The following ZNF22 variants were observed in gnomAD, a reference collection of about 807,000 sequenced individuals.
ZNF22 encodes zinc finger protein 22, also known as krox-26 protein.
Under a neutral mutation model 17.0 loss-of-function variants are expected in ZNF22, and 15 were observed. The ratio of observed to expected loss-of-function variants is 0.88; its 90% CI spans 0.59 to 1.36. The LOEUF is 1.36. Among genes scored for constraint, ZNF22 ranks in the 40% most tolerant of loss-of-function variants. ZNF22 has a pLI of 0.00. For synonymous variants in ZNF22, 84 were observed against 90.7 expected, an observed-to-expected ratio of 0.93 and a Z score of 0.42; for missense variants, 272 against 276.1, an observed-to-expected ratio of 0.98 and a Z score of 0.11.
chr10:45,001,238 TG>T (rs1386964243), intron 1 of ZNF22, among the ~76,000 whole-genome samples: 1 of 148,370 alleles, frequency 6.7e-6, no homozygotes, highest in Non-Finnish European at 1.5e-5. Context: ...AGGCTTGGAC[TG>T]GGGGCCCGGG....
intron 1 of ZNF22, among the ~76,000 whole-genome samples, chr10:45,001,340 G>A (rs1842329903): frequency 6.6e-6 from 1 of 152,294 alleles, no homozygotes; most frequent in Admixed American, 6.5e-5. Flanking sequence ...CTAGATACGT[G>A]GAACAAATGC....
chr10:45,004,996 T>G lies in ZNF22; in HGVS notation c.*953T>G, dbSNP rs545895614. On this transcript the variant is annotated 3_prime_UTR_variant, in exon 2 of 2. Coordinates refer to ENST00000298299, the MANE Select transcript of ZNF22 (RefSeq NM_006963.5). ...ATTAAAAACCTACAATTTACACACC[T>G]CCCTGCCTTCAAGACTGTGAGCTTT... 2 of 167,188 alleles carry G rather than the reference T, an allele frequency of 1.2e-5. No individual in the cohort carries two copies. The highest frequency in any genetic ancestry group is 3.9e-4 in the East Asian group (2 of 5,194). The allele number at this position is 167,188 out of a possible 1,614,324, so 10.4% of individuals were successfully genotyped here. A position where few individuals can be genotyped will look rare whatever the true frequency, so the allele number is the denominator to read the frequency against.
Position 45,003,274 on chromosome 10 carries a change from A to T in ZNF22, c.-89-6A>T, listed in dbSNP as rs1477795915. On this transcript the variant is annotated splice_region_variant and splice_polypyrimidine_tract_variant and intron_variant, in intron 1 of 1. Transcript: ENST00000298299. ...ATCTCTAAATTTTTTTTCCTTCTAC[A>T]CACAGAAAATTCTGAGCTGTACACC... is the stretch of plus-strand genomic sequence containing the variant. 4.7e-6 allele frequency: 6 copies of T among 1,271,200 alleles called. No homozygotes were observed. The African/African-American group carries it at 9.0e-5, about 19-fold the overall frequency. 78.7% of individuals were successfully genotyped at this position (1,271,200 alleles called of 1,614,324 possible).
chr10:45,001,165 CG>C (rs1410511847), intron 1 of ZNF22, among the ~76,000 whole-genome samples, 187 bp downstream of exon 1: 1 of 150,162 alleles, frequency 6.7e-6, no homozygotes, highest in East Asian at 2.0e-4. Flanking sequence ...AGGGTGGGGC[CG>C]CGGCCTGCGC....
In ZNF22 at chr10:45,003,934, A is replaced by G. The variant is rs767494073; in HGVS notation, c.566A>G (p.His189Arg). ...SSHLRQHMKV[H>R]KEEKPRKTRG... ...CATCTGAGGCAGCACATGAAGGTGC[A>G]TAAAGAAGAGAAGCCTCGTAAAACC... Residue 189 changes from histidine (H) to arginine (R), a missense_variant, in exon 2 of 2, where the codon CAT becomes CGT. His to Arg is a conservative substitution (Grantham distance 29). Transcript: ENST00000298299. The G allele has an allele frequency of 1.9e-6, 3 of 1,614,214 alleles. No individual in the cohort carries two copies. The highest frequency in any genetic ancestry group is 1.1e-5 in the South Asian group (1 of 91,090).
rs374070420 is a variant in ZNF22, at chr10:45,003,418, G to A, written c.50G>A (p.Gly17Glu). The change falls in exon 2 of 2, where the codon GGA (glycine) becomes GAA (glutamate). Residue 17 changes from glycine (G) to glutamate (E), a missense_variant. By Grantham distance (98) the Gly-to-Glu change is moderately conservative. Transcript: ENST00000298299. Reference protein sequence around the residue: ...KAGISRSSSQGKAYENKRKTG... With the variant: ...KAGISRSSSQEKAYENKRKTG... ...GGTATTTCTCGGAGCTCAAGCCAAG[G>A]AAAGGCCTATGAGAACAAGCGCAAA... 5.0e-6 allele frequency: 8 copies of A among 1,613,208 alleles called. No individual in the cohort carries two copies. The highest frequency in any genetic ancestry group is 6.8e-6 in the Non-Finnish European group (8 of 1,179,608).
Position 45,003,918 on chromosome 10 carries a change from C to A in ZNF22, c.550C>A (p.Gln184Lys). Residue 184 changes from glutamine to lysine, a missense_variant, in exon 2 of 2, where the codon CAG (glutamine) becomes AAG (lysine). Gln to Lys is a moderately conservative substitution (Grantham distance 53). Coordinates refer to ENST00000298299, the MANE Select transcript of ZNF22 (RefSeq NM_006963.5). ...KCFSQSSHLR[Q>K]HMKVHKEEKP... ...TTTCAGTCAGAGCTCTCATCTGAGG[C>A]AGCACATGAAGGTGCATAAAGAAGA... 6.2e-7 allele frequency: 1 copy of A among 1,614,138 alleles called. No individual in the cohort carries two copies. Among genetic ancestry groups the A allele is most frequent in the African/African-American group, 1.3e-5 (1 of 75,008 alleles).
Position 45,004,053 on chromosome 10 carries a change from T to C in ZNF22, c.*10T>C. 1.3e-6 allele frequency: 2 copies of C among 1,555,754 alleles called. No individual in the cohort carries two copies. The highest frequency in any genetic ancestry group is 1.2e-5 in the South Asian group (1 of 81,546). ...GGCTGGTCTCCGTTAAGTATAGGGCTTTTTGACAGCTTTTTGAGACCTCTT... is the reference window on the plus strand; with the variant it reads ...GGCTGGTCTCCGTTAAGTATAGGGCCTTTTGACAGCTTTTTGAGACCTCTT... On this transcript the variant is annotated 3_prime_UTR_variant, in exon 2 of 2. Coordinates refer to ENST00000298299, the MANE Select transcript of ZNF22 (RefSeq NM_006963.5).
At position 45,004,710 on chromosome 10, in the gene ZNF22, A is replaced by G. The variant is rs1489178055; in HGVS notation, c.*667A>G. ...TTGTTTGTTTTGTTTTTTTTAACCA[A>G]ATTCTTAGAGATACTATAGAATCCA... On this transcript the variant is annotated 3_prime_UTR_variant, in exon 2 of 2. Transcript: ENST00000298299. 6.0e-6 allele frequency: 1 copy of G among 167,008 alleles called. No homozygotes were observed. The highest frequency in any genetic ancestry group is 2.4e-5 in the African/African-American group (1 of 41,398). The allele number at this position is 167,008 out of a possible 1,614,324, so 10.3% of individuals were successfully genotyped here.
At chr10:45,001,772 A>G (rs965249771) in intron 1 of ZNF22, among the ~76,000 whole-genome samples, 2 of 152,146 alleles carry the variant, frequency 1.3e-5, no homozygotes, top group East Asian at 3.9e-4. Flanking sequence ...GGCACATACT[A>G]GTATGATTGC....
chr10:45,002,858 T>C (rs963831972), intron 1 of ZNF22: 4 of 152,602 alleles, frequency 2.6e-5, no homozygotes, highest in African/African-American at 7.2e-5. Flanking sequence ...TATTAAAGCA[T>C]AGTAATGTTC....
Position 45,004,058 on chromosome 10 carries a change from G to C in ZNF22, c.*15G>C. ...GTCTCCGTTAAGTATAGGGCTTTTT[G>C]ACAGCTTTTTGAGACCTCTTAAGAA... On this transcript the variant is annotated 3_prime_UTR_variant, in exon 2 of 2. Coordinates refer to ENST00000298299, the MANE Select transcript of ZNF22 (RefSeq NM_006963.5). 1 of 1,561,962 alleles carries C rather than the reference G, an allele frequency of 6.4e-7. No individual in the cohort carries two copies. The highest frequency in any genetic ancestry group is 8.6e-7 in the Non-Finnish European group (1 of 1,157,644).
chr10:45,001,126 G>A (rs77354769), intron 1 of ZNF22, 148 bp downstream of exon 1: 12,408 of 152,010 alleles, frequency 0.082, 607 homozygotes, highest in South Asian at 0.17. Flanking sequence ...CCTGGCCGCC[G>A]GGCGGGGGCG....
At position 45,004,607 on chromosome 10, in the gene ZNF22, T is replaced by A. The variant is rs1324738290; in HGVS notation, c.*564T>A. 1.2e-5 allele frequency: 2 copies of A among 166,388 alleles called. No individual in the cohort carries two copies. The highest frequency in any genetic ancestry group is 6.5e-5 in the Admixed American group (1 of 15,288). 10.3% of individuals were successfully genotyped at this position (166,388 alleles called of 1,614,324 possible). On this transcript the variant is annotated 3_prime_UTR_variant, in exon 2 of 2. Transcript: ENST00000298299. Reference sequence around the variant, plus strand: ...ACAGATTTTTAATCAGTAAGGCCTATCTATATTAGTTGTCTTTTATTTCTT... The same window carrying A: ...ACAGATTTTTAATCAGTAAGGCCTAACTATATTAGTTGTCTTTTATTTCTT...
rs1182700349 is a variant in ZNF22 at position 45,004,107 on chromosome 10, G to A, written c.*64G>A. 3.4e-6 allele frequency: 5 copies of A among 1,481,850 alleles called. No homozygotes were observed. The highest frequency in any genetic ancestry group is 4.5e-6 in the Non-Finnish European group (5 of 1,104,184). 91.8% of individuals were successfully genotyped at this position (1,481,850 alleles called of 1,614,324 possible). ...AAAAAATAAAAAGTAAAAAATGAAA[G>A]GAATCTTTTTTAGAAATAGAGATGC... On this transcript the variant is annotated 3_prime_UTR_variant, in exon 2 of 2. Transcript: ENST00000298299.
chr10:45,001,304 C>T (rs1588860259), intron 1 of ZNF22, among the ~76,000 whole-genome samples: 1 of 152,082 alleles, frequency 6.6e-6, no homozygotes, highest in African/African-American at 2.4e-5. Flanking sequence ...GCCCCGGCCC[C>T]TTCCGTCGCT....
In ZNF22 at chr10:45,004,749, T is replaced by C. The variant is rs1842360883; in HGVS notation, c.*706T>C. On this transcript the variant is annotated 3_prime_UTR_variant, in exon 2 of 2. Coordinates refer to ENST00000298299, the MANE Select transcript of ZNF22 (RefSeq NM_006963.5). ...CTATAGAATCCAAATGAGAACTGAA[T>C]TGGACCTCAAGTCTTCTATTCCTAC... 6.0e-6 allele frequency: 1 copy of C among 167,120 alleles called. No individual in the cohort carries two copies. 10.4% of individuals were successfully genotyped at this position (167,120 alleles called of 1,614,324 possible). A position where few individuals can be genotyped will look rare whatever the true frequency, so the allele number is the denominator to read the frequency against.
chr10:45,001,808 C>G (rs59273017), intron 1 of ZNF22, among the ~76,000 whole-genome samples: 3 of 151,846 alleles, frequency 2.0e-5, no homozygotes, highest in African/African-American at 7.3e-5. Flanking sequence ...ATTTGACAGT[C>G]TGAGTTTCTG....
chr10:45,003,271 T>G lies in ZNF22; in HGVS notation c.-89-9T>G, dbSNP rs1842347974. ...ATCATCTCTAAATTTTTTTTCCTTC[T>G]ACACACAGAAAATTCTGAGCTGTAC... is the stretch of plus-strand genomic sequence containing the variant. On this transcript the variant is annotated splice_polypyrimidine_tract_variant and intron_variant, in intron 1 of 1. Transcript: ENST00000298299. 1 of 1,248,124 alleles carries G rather than the reference T, an allele frequency of 8.0e-7. No homozygotes were observed. The highest frequency in any genetic ancestry group is 1.5e-5 in the African/African-American group (1 of 66,478). 77.3% of individuals were successfully genotyped at this position (1,248,124 alleles called of 1,614,324 possible). A position where few individuals can be genotyped will look rare whatever the true frequency, so the allele number is the denominator to read the frequency against.
Sources: allele counts gnomAD v4.1 joint callset (sites outside exome capture counted in the v4.1 genomes callset), GRCh38; gene constraint gnomAD v4.1.1; transcripts MANE v1.5; gene names NCBI Gene and HGNC (gene_info 2026-07-23, HGNC 2026-07-21).